UIMC1: variants seen among roughly 807,000 people sequenced by gnomAD.
The protein encoded by UIMC1 is BRCA1-A complex subunit RAP80.
In UIMC1, 42 loss-of-function variants were observed where a neutral mutation model predicts 84.9. That is an observed-to-expected ratio of 0.49 (90% confidence interval 0.39 to 0.64). The LOEUF (loss-of-function observed/expected upper bound fraction) is 0.64, where lower values mean the gene tolerates loss of function less well. Among genes scored for constraint, UIMC1 ranks in the 30% least tolerant of loss-of-function variants. The pLI is 0.00. For synonymous variants in UIMC1, 281 were observed against 293.0 expected (o/e 0.96, Z 0.42); for missense variants, 825 against 847.6 (o/e 0.97, Z 0.33).
intron 1 of UIMC1, among the ~76,000 whole-genome samples, chr5:177,022,161 T>A (rs891942106): frequency 4.6e-5 from 7 of 151,726 alleles, no homozygotes; most frequent in Non-Finnish European, 8.8e-5. Context: ...AAATTTGGGG[T>A]CTGACAGCTA....
intron 11 of UIMC1, among the ~76,000 whole-genome samples, chr5:176,909,213 T>C (rs566670174): frequency 7.2e-5 from 11 of 152,250 alleles, no homozygotes; most frequent in Non-Finnish European, 1.5e-4. Context: ...CTAAAAGCCA[T>C]GTGGTTCTGC....
chr5:176,989,345 T>G (rs1219665214), intron 1 of UIMC1, among the ~76,000 whole-genome samples: 1 of 152,074 alleles, frequency 6.6e-6, no homozygotes, highest in Non-Finnish European at 1.5e-5. Context: ...TTTTAATGAC[T>G]AAAGAACAAG....
chr5:176,958,129 G>A lies in UIMC1; in HGVS notation c.1226C>T (p.Thr409Ile), dbSNP rs762850286. 1 of 1,613,818 alleles carries A rather than the reference G, an allele frequency of 6.2e-7. No homozygotes were observed. The highest frequency in any genetic ancestry group is 8.5e-7 in the Non-Finnish European group (1 of 1,179,804). Residue 409 changes from threonine to isoleucine, a missense_variant, in exon 7 of 15, where the codon ACT becomes ATT. By Grantham distance (89) the Thr-to-Ile change is moderately conservative (BLOSUM62 -1). Transcript: ENST00000511320. ...AGGTACAGAGTTTCCCTCTTCAGAA[G>A]TTTCTTCAACAATCCCTTGGGAAGA... ...GQSSQGIVEE[T>I]SEEGNSVPAS...
chr5:176,971,782 G>A (rs181701122), intron 3 of UIMC1, among the ~76,000 whole-genome samples: 10 of 151,922 alleles, frequency 6.6e-5, no homozygotes, highest in African/African-American at 1.9e-4. Context: ...GGTGGTGGGT[G>A]CCTGTAATCC....
chr5:176,912,474 GT>G (rs57570046), intron 10 of UIMC1, among the ~76,000 whole-genome samples: 67,084 of 129,632 alleles, frequency 0.52, 16,846 homozygotes, highest in African/African-American at 0.74. Flanking sequence ...ACTGTTTTTT[GT>G]TTTTTTTTTT....
chr5:176,979,405 G>C (rs910048153), intron 2 of UIMC1, among the ~76,000 whole-genome samples: 13 of 152,094 alleles, frequency 8.5e-5, no homozygotes, highest in South Asian at 4.1e-4. Context: ...TCAGGAGTTT[G>C]AGACCAGCCT....
At position 176,905,417 on chromosome 5, in the gene UIMC1, A is replaced by G. The variant is rs767210607; in HGVS notation, c.2025T>C (p.Asn675=). Residue 675 remains asparagine (N), a synonymous_variant, in exon 15 of 15, where the codon AAT becomes AAC. Transcript: ENST00000511320. ...MQSSFTRRDL[N]ESPVKSFVSI... is the part of the protein sequence containing the mutation. ...AAACAAAAGACTTGACGGGAGATTC[A>G]TTTAAGTCACGACGTGTGAAAGAAC... The G allele has an allele frequency of 6.2e-7, 1 of 1,614,150 alleles. No individual in the cohort carries two copies. The highest frequency in any genetic ancestry group is 1.7e-5 in the Admixed American group (1 of 60,018).
chr5:176,905,913 G>A, intron 14 of UIMC1, 98 bp downstream of exon 14: 3 of 1,303,404 alleles, frequency 2.3e-6, no homozygotes, highest in Non-Finnish European at 3.3e-6. Context: ...GATTTCTACT[G>A]CAACAGTCTG....
chr5:176,939,817 C>T (rs1403463450), intron 10 of UIMC1, among the ~76,000 whole-genome samples: 1 of 152,192 alleles, frequency 6.6e-6, no homozygotes, highest in African/African-American at 2.4e-5. Context: ...GACTGTCATT[C>T]AGGATATAGC....
chr5:176,982,308 A>C (rs963268751), intron 2 of UIMC1, among the ~76,000 whole-genome samples, 161 bp downstream of exon 2: 3 of 152,232 alleles, frequency 2.0e-5, no homozygotes, highest in African/African-American at 7.2e-5. Flanking sequence ...TACCTTAAGT[A>C]ATTCTTCATT....
chr5:176,943,250 T>C (rs1344697658), intron 10 of UIMC1, 85 bp downstream of exon 10: 56 of 1,460,062 alleles, frequency 3.8e-5, no homozygotes, highest in Non-Finnish European at 5.0e-5. Context: ...AGAACAGCTA[T>C]GTTTTTTCCC....
intron 8 of UIMC1, among the ~76,000 whole-genome samples, chr5:176,955,183 A>G (rs967463444): frequency 2.6e-5 from 4 of 152,224 alleles, no homozygotes; most frequent in Non-Finnish European, 5.9e-5. Flanking sequence ...GATGGTAAGT[A>G]TCTTAGTTCA....
chr5:176,971,027 G>A (rs1302760360), intron 3 of UIMC1, among the ~76,000 whole-genome samples, 161 bp from the exon 4 acceptor site: 1 of 152,238 alleles, frequency 6.6e-6, no homozygotes, highest in Non-Finnish European at 1.5e-5. Context: ...AAGGAAAGGT[G>A]TTGGCCAAGA....
intron 10 of UIMC1, among the ~76,000 whole-genome samples, chr5:176,939,877 CAT>C (rs1429311401): frequency 6.6e-6 from 1 of 152,212 alleles, no homozygotes; most frequent in Non-Finnish European, 1.5e-5. Flanking sequence ...GCTATAAAGA[CAT>C]ATGATGCCGA....
At chr5:176,980,437 T>C (rs1770854238) in intron 2 of UIMC1, among the ~76,000 whole-genome samples, 1 of 152,194 alleles carries the variant, frequency 6.6e-6, no homozygotes, top group Non-Finnish European at 1.5e-5. Context: ...TTCCACAGCA[T>C]GGTTCTTTTC....
At chr5:176,970,664 T>C in intron 4 of UIMC1, 78 bp downstream of exon 4, 2 of 1,597,174 alleles carry the variant, frequency 1.3e-6, no homozygotes, top group Admixed American at 1.7e-5. Context: ...AGCTAGTTCC[T>C]AATGCAACTA....
At chr5:176,978,842 A>T (rs1485496212) in intron 2 of UIMC1, among the ~76,000 whole-genome samples, 3 of 152,224 alleles carry the variant, frequency 2.0e-5, no homozygotes, top group Non-Finnish European at 2.9e-5. Flanking sequence ...AAGCAATTAA[A>T]GGATAGTTCC....
intron 1 of UIMC1, among the ~76,000 whole-genome samples, chr5:176,993,103 T>C (rs1226934599): frequency 4.6e-5 from 7 of 151,120 alleles, no homozygotes; most frequent in Non-Finnish European, 1.0e-4. Context: ...TGAGAATCAT[T>C]TGAACCCCAG....
chr5:176,988,679 ATTTTTTTTTT>A (rs377752493), intron 1 of UIMC1, among the ~76,000 whole-genome samples: 1 of 135,774 alleles, frequency 7.4e-6, no homozygotes, highest in Non-Finnish European at 1.6e-5. Context: ...TGTTAGGTGA[ATTTTTTTTTT>A]TTTTTTTTTT....
Sources: allele counts gnomAD v4.1 joint callset (sites outside exome capture counted in the v4.1 genomes callset), GRCh38; gene constraint gnomAD v4.1.1; transcripts MANE v1.5; gene names NCBI Gene and HGNC (gene_info 2026-07-23, HGNC 2026-07-21).